Variants in F2RL3 observed in about 807,000 individuals in gnomAD.
F2RL3 encodes proteinase-activated receptor 4.
In F2RL3, 3 loss-of-function variants were observed where a neutral mutation model predicts 4.9. The observed-to-expected ratio is 0.61, with a 90% CI of 0.28 to 1.58. F2RL3 has a LOEUF of 1.58. Ranked by LOEUF, F2RL3 falls within the 40% of genes most tolerant of loss-of-function variation. The pLI, the probability that F2RL3 is intolerant of heterozygous loss-of-function variation, is 0.11. For missense variants in F2RL3, 564 were observed against 550.4 expected (o/e 1.02, Z -0.25); for synonymous variants, 284 against 278.4 (o/e 1.02, Z -0.20).
rs1169231713 is a variant in F2RL3 at position 16,890,417 on chromosome 19, C to T, written c.954C>T (p.Leu318=). The T allele has an allele frequency of 1.2e-6, 2 of 1,612,134 alleles. No homozygotes were observed. Among genetic ancestry groups the T allele is most frequent in the Non-Finnish European group, 1.7e-6 (2 of 1,179,730 alleles). The change falls in exon 2 of 2, where the codon CTC becomes CTT. Residue 318 remains leucine (L), a synonymous_variant. Transcript: ENST00000248076. ...SDPSPSAWGN[L]YGAYVPSLAL... ...CGAGCCCCAGCGCCTGGGGCAACCTCTATGGTGCCTACGTGCCCAGCCTGG... is the reference window on the plus strand; with the variant it reads ...CGAGCCCCAGCGCCTGGGGCAACCTTTATGGTGCCTACGTGCCCAGCCTGG...
In F2RL3 at chr19:16,890,211, C is replaced by A. The variant is rs771630275; in HGVS notation, c.748C>A (p.Leu250Met). 25 of 1,586,140 alleles carry A rather than the reference C, an allele frequency of 1.6e-5. No homozygotes were observed. The highest frequency in any genetic ancestry group is 2.0e-5 in the Non-Finnish European group (23 of 1,172,840). Residue 250 changes from leucine (L) to methionine (M), a missense_variant, in exon 2 of 2, where the codon CTG becomes ATG. Physicochemically the swap from Leu to Met is conservative, Grantham distance 15. Coordinates refer to ENST00000248076, the MANE Select transcript of F2RL3 (RefSeq NM_003950.4). Reference sequence around the variant, plus strand: ...GCAACCGGCCTTCACCTGCCTGGCGCTGTTGGGCTGTTTCCTGCCCCTGCT... The same window carrying A: ...GCAACCGGCCTTCACCTGCCTGGCGATGTTGGGCTGTTTCCTGCCCCTGCT... Reference protein sequence around the residue: ...HWQPAFTCLALLGCFLPLLAM... With the variant: ...HWQPAFTCLAMLGCFLPLLAM...
At position 16,890,325 on chromosome 19, in the gene F2RL3, G is replaced by T; in HGVS notation, c.862G>T (p.Val288Leu). 1.9e-6 allele frequency: 3 copies of T among 1,588,556 alleles called. No individual in the cohort carries two copies. Among genetic ancestry groups the T allele is most frequent in the Non-Finnish European group, 2.6e-6 (3 of 1,172,578 alleles). ...CCACGCGCTGAGGCTGACCGCAGTG[G>T]TGCTGGCCTCCGCCGTGGCCTTCTT... is the stretch of plus-strand genomic sequence containing the variant. Reference protein sequence around the residue: ...YGHALRLTAVVLASAVAFFVP... With the variant: ...YGHALRLTAVLLASAVAFFVP... Residue 288 changes from valine (V) to leucine (L), a missense_variant, in exon 2 of 2, where the codon GTG becomes TTG. Physicochemically the swap from Val to Leu is conservative, Grantham distance 32. Coordinates refer to ENST00000248076, the MANE Select transcript of F2RL3 (RefSeq NM_003950.4).
chr19:16,889,366 TG>T, intron 1 of F2RL3, 68 bp downstream of exon 1: 1 of 1,400,172 alleles, frequency 7.1e-7, no homozygotes, highest in Non-Finnish European at 9.8e-7. Flanking sequence ...GGCCCGGAGC[TG>T]GGGAGGGGGA....
Position 16,890,083 on chromosome 19 carries a change from T to A in F2RL3, c.620T>A (p.Leu207Gln). The A allele has an allele frequency of 6.3e-7, 1 of 1,597,110 alleles. No homozygotes were observed. ...CMAAWLMAAA[L>Q]ALPLTLQRQT... ...GCTGCTTGGCTCATGGCGGCCGCCC[T>A]GGCACTGCCCCTGACACTGCAGCGG... Residue 207 changes from leucine to glutamine, a missense_variant, in exon 2 of 2, where the codon CTG becomes CAG. Coordinates refer to ENST00000248076, the MANE Select transcript of F2RL3 (RefSeq NM_003950.4).
rs1423617732 is a variant in F2RL3 at position 16,890,547 on chromosome 19, G to T, written c.1084G>T (p.Asp362Tyr). 6.2e-7 allele frequency: 1 copy of T among 1,608,838 alleles called. No homozygotes were observed. Among genetic ancestry groups the T allele is most frequent in the East Asian group, 2.2e-5 (1 of 44,762 alleles). The part of the protein sequence containing the change: ...RAGLFQRSPG[D>Y]TVASKASAEG... ...AGGGCTCTTCCAACGGTCGCCGGGGGACACCGTGGCCTCCAAGGCCTCTGC... is the reference window on the plus strand; with the variant it reads ...AGGGCTCTTCCAACGGTCGCCGGGGTACACCGTGGCCTCCAAGGCCTCTGC... Residue 362 changes from aspartate to tyrosine, a missense_variant, in exon 2 of 2, where the codon GAC becomes TAC. Asp to Tyr is a radical substitution (Grantham distance 160, BLOSUM62 -3). Transcript: ENST00000248076.
Position 16,891,120 on chromosome 19 carries a change from AAAAGACG to A in F2RL3, c.*503_*509del. On this transcript the variant is annotated 3_prime_UTR_variant, in exon 2 of 2. Transcript: ENST00000248076. ...AATTAATTAATTTAATTCAATTTTA[AAAAGACG>A]AAAAGTGACGGCCAGGTGCAGTGGC... 1 of 154,240 alleles carries A rather than the reference AAAAGACG, an allele frequency of 6.5e-6. No homozygotes were observed. The allele number at this position is 154,240 out of a possible 1,614,324, so 9.6% of individuals were successfully genotyped here. A position where few individuals can be genotyped will look rare whatever the true frequency, so the allele number is the denominator to read the frequency against.
In F2RL3 at chr19:16,889,138, C is replaced by A; in HGVS notation, c.-52C>A. ...GGCTCCAGAAGCTGGGGCTCAGGGTCCGGCGAGGCAGGAAGCCTGAGGCCA... is the reference window on the plus strand; with the variant it reads ...GGCTCCAGAAGCTGGGGCTCAGGGTACGGCGAGGCAGGAAGCCTGAGGCCA... On this transcript the variant is annotated 5_prime_UTR_variant, in exon 1 of 2. Coordinates refer to ENST00000248076, the MANE Select transcript of F2RL3 (RefSeq NM_003950.4). 1 of 1,312,284 alleles carries A rather than the reference C, an allele frequency of 7.6e-7. No individual in the cohort carries two copies. The highest frequency in any genetic ancestry group is 1.0e-6 in the Non-Finnish European group (1 of 987,784). The allele number at this position is 1,312,284 out of a possible 1,614,324, so 81.3% of individuals were successfully genotyped here.
At position 16,889,882 on chromosome 19, in the gene F2RL3, A is replaced by G; in HGVS notation, c.419A>G (p.Gln140Arg). 1 of 1,587,500 alleles carries G rather than the reference A, an allele frequency of 6.3e-7. No individual in the cohort carries two copies. The highest frequency in any genetic ancestry group is 1.1e-5 in the South Asian group (1 of 89,466). ...CGGATCGCCTACCACCTGCGTGGCCAGCGCTGGCCCTTCGGGGAGGCCGCC... is the reference window on the plus strand; with the variant it reads ...CGGATCGCCTACCACCTGCGTGGCCGGCGCTGGCCCTTCGGGGAGGCCGCC... ...PPRIAYHLRG[Q>R]RWPFGEAACR... Residue 140 changes from glutamine to arginine, a missense_variant, in exon 2 of 2, where the codon CAG (glutamine) becomes CGG (arginine). Gln to Arg is a conservative substitution (Grantham distance 43). Coordinates refer to ENST00000248076, the MANE Select transcript of F2RL3 (RefSeq NM_003950.4).
chr19:16,890,208 G>A lies in F2RL3; in HGVS notation c.745G>A (p.Ala249Thr), dbSNP rs1289877592. The A allele has an allele frequency of 6.3e-7, 1 of 1,587,332 alleles. No individual in the cohort carries two copies. The highest frequency in any genetic ancestry group is 1.1e-5 in the South Asian group (1 of 89,352). Residue 249 changes from alanine (A) to threonine (T), a missense_variant, in exon 2 of 2, where the codon GCG (alanine) becomes ACG (threonine). By Grantham distance (58) the Ala-to-Thr change is moderately conservative. Transcript: ENST00000248076. Reference sequence around the variant, plus strand: ...CTGGCAACCGGCCTTCACCTGCCTGGCGCTGTTGGGCTGTTTCCTGCCCCT... The same window carrying A: ...CTGGCAACCGGCCTTCACCTGCCTGACGCTGTTGGGCTGTTTCCTGCCCCT... ...SHWQPAFTCL[A>T]LLGCFLPLLA...
chr19:16,890,075 G>A lies in F2RL3; in HGVS notation c.612G>A (p.Ala204=), dbSNP rs766080626. 1.7e-5 allele frequency: 27 copies of A among 1,597,182 alleles called. No individual in the cohort carries two copies. Among genetic ancestry groups the A allele is most frequent in the South Asian group, 8.8e-5 (8 of 90,924 alleles). The part of the protein sequence containing the change: ...LGLCMAAWLM[A]AALALPLTLQ... ...TCTGCATGGCTGCTTGGCTCATGGC[G>A]GCCGCCCTGGCACTGCCCCTGACAC... Residue 204 remains alanine (A), a synonymous_variant, in exon 2 of 2, where the codon GCG becomes GCA. Coordinates refer to ENST00000248076, the MANE Select transcript of F2RL3 (RefSeq NM_003950.4).
Position 16,889,708 on chromosome 19 carries a change from C to A in F2RL3, c.245C>A (p.Ala82Asp), listed in dbSNP as rs1006799577. The A allele has an allele frequency of 8.7e-6, 14 of 1,607,152 alleles. No individual in the cohort carries two copies. The African/African-American group carries it at 1.6e-4, about 18-fold the overall frequency. The change falls in exon 2 of 2, where the codon GCC becomes GAC. Residue 82 changes from alanine to aspartate, a missense_variant. By Grantham distance (126) the Ala-to-Asp change is moderately radical (BLOSUM62 -2). Transcript: ENST00000248076. ...TGGGTGCCCACCAGGCTGGTGCCCGCCCTCTATGGGCTGGTCCTGGTGGTG... is the reference window on the plus strand; with the variant it reads ...TGGGTGCCCACCAGGCTGGTGCCCGACCTCTATGGGCTGGTCCTGGTGGTG... ...LGWVPTRLVP[A>D]LYGLVLVVGL... is the part of the protein sequence containing the mutation.
rs781055286 is a variant in F2RL3, at chr19:16,890,393, G to A, written c.930G>A (p.Pro310=). 6 of 1,610,188 alleles carry A rather than the reference G, an allele frequency of 3.7e-6. No individual in the cohort carries two copies. The highest frequency in any genetic ancestry group is 1.1e-5 in the South Asian group (1 of 90,716). The change falls in exon 2 of 2, where the codon CCG becomes CCA. Residue 310 remains proline, a synonymous_variant. Transcript: ENST00000248076. ...TGCTGCTGCTGCATTACTCGGACCC[G>A]AGCCCCAGCGCCTGGGGCAACCTCT... is the stretch of plus-strand genomic sequence containing the variant. ...NLLLLLHYSD[P]SPSAWGNLYG...
chr19:16,890,657 G>T lies in F2RL3; in HGVS notation c.*36G>T. 6.9e-7 allele frequency: 1 copy of T among 1,441,322 alleles called. No homozygotes were observed. The highest frequency in any genetic ancestry group is 9.3e-7 in the Non-Finnish European group (1 of 1,070,298). 89.3% of individuals were successfully genotyped at this position (1,441,322 alleles called of 1,614,324 possible). ...GGAAGGCTGTACTGGGTCGAACAGG[G>T]TCCCTTCCCCCACTTCACGTCCTTC... is the stretch of plus-strand genomic sequence containing the variant. On this transcript the variant is annotated 3_prime_UTR_variant, in exon 2 of 2. Transcript: ENST00000248076.
chr19:16,889,637 T>C lies in F2RL3; in HGVS notation c.174T>C (p.Ser58=). ...GYPGQVCAND[S]DTLELPDSSR... is the part of the protein sequence containing the mutation. ...CAGGCCAAGTCTGTGCCAATGACAGTGACACCCTGGAGCTCCCGGACAGCT... is the reference window on the plus strand; with the variant it reads ...CAGGCCAAGTCTGTGCCAATGACAGCGACACCCTGGAGCTCCCGGACAGCT... The change falls in exon 2 of 2, where the codon AGT becomes AGC. Residue 58 remains serine (S), a synonymous_variant. Coordinates refer to ENST00000248076, the MANE Select transcript of F2RL3 (RefSeq NM_003950.4). 1 of 1,609,028 alleles carries C rather than the reference T, an allele frequency of 6.2e-7. No individual in the cohort carries two copies. Among genetic ancestry groups the C allele is most frequent in the East Asian group, 2.2e-5 (1 of 44,790 alleles).
rs1473018801 is a variant in F2RL3 at position 16,890,108 on chromosome 19, G to T, written c.645G>T (p.Arg215=). Residue 215 remains arginine, a synonymous_variant, in exon 2 of 2, where the codon CGG becomes CGT. Transcript: ENST00000248076. ...AALALPLTLQ[R]QTFRLARSDR... ...TGGCACTGCCCCTGACACTGCAGCG[G>T]CAGACCTTCCGGCTGGCGCGCTCCG... 1.9e-6 allele frequency: 3 copies of T among 1,597,530 alleles called. No homozygotes were observed. The highest frequency in any genetic ancestry group is 1.7e-4 in the Middle Eastern group (1 of 5,998).
rs542293542 is a variant in F2RL3 at position 16,890,016 on chromosome 19, C to T, written c.553C>T (p.Arg185Cys). 15 of 1,597,526 alleles carry T rather than the reference C, an allele frequency of 9.4e-6. No individual in the cohort carries two copies. Among genetic ancestry groups the T allele is most frequent in the South Asian group, 3.3e-5 (3 of 90,412 alleles). ...GGCCCTGGTGCACCCGCTGCGGGCCCGCGCCCTGCGTGGCCGGCGCCTGGC... is the reference window on the plus strand; with the variant it reads ...GGCCCTGGTGCACCCGCTGCGGGCCTGCGCCCTGCGTGGCCGGCGCCTGGC... Reference protein sequence around the residue: ...YLALVHPLRARALRGRRLALG... With the variant: ...YLALVHPLRACALRGRRLALG... Residue 185 changes from arginine to cysteine, a missense_variant, in exon 2 of 2, where the codon CGC becomes TGC. Physicochemically the swap from Arg to Cys is radical, Grantham distance 180. Coordinates refer to ENST00000248076, the MANE Select transcript of F2RL3 (RefSeq NM_003950.4).
chr19:16,889,934 T>C lies in F2RL3; in HGVS notation c.471T>C (p.Tyr157=), dbSNP rs750054844. 1 of 1,589,070 alleles carries C rather than the reference T, an allele frequency of 6.3e-7. No homozygotes were observed. Among genetic ancestry groups the C allele is most frequent in the Admixed American group, 1.7e-5 (1 of 57,456 alleles). The change falls in exon 2 of 2, where the codon TAT becomes TAC. Residue 157 remains tyrosine, a synonymous_variant. Transcript: ENST00000248076. ...GCCGCCTGGCCACGGCCGCACTCTA[T>C]GGTCACATGTATGGCTCAGTGCTGC... ...AACRLATAAL[Y]GHMYGSVLLL...
At position 16,890,653 on chromosome 19, in the gene F2RL3, C is replaced by T. The variant is rs760300624; in HGVS notation, c.*32C>T. On this transcript the variant is annotated 3_prime_UTR_variant, in exon 2 of 2. Transcript: ENST00000248076. ...GTGGGGAAGGCTGTACTGGGTCGAA[C>T]AGGGTCCCTTCCCCCACTTCACGTC... 2.1e-6 allele frequency: 3 copies of T among 1,459,452 alleles called. No homozygotes were observed. Among genetic ancestry groups the T allele is most frequent in the African/African-American group, 1.4e-5 (1 of 71,748 alleles). 90.4% of individuals were successfully genotyped at this position (1,459,452 alleles called of 1,614,324 possible). A position where few individuals can be genotyped will look rare whatever the true frequency, so the allele number is the denominator to read the frequency against.
Position 16,890,517 on chromosome 19 carries a change from C to G in F2RL3, c.1054C>G (p.Arg352Gly). ...YVSAEFRDKVRAGLFQRSPGD... is the reference protein window; with the variant it reads ...YVSAEFRDKVGAGLFQRSPGD... The stretch of plus-strand genomic sequence containing the variant: ...GTCGGCCGAGTTCAGGGACAAGGTG[C>G]GGGCAGGGCTCTTCCAACGGTCGCC... The change falls in exon 2 of 2, where the codon CGG becomes GGG. Residue 352 changes from arginine (R) to glycine (G), a missense_variant. Transcript: ENST00000248076. The G allele has an allele frequency of 6.2e-7, 1 of 1,612,368 alleles. No homozygotes were observed.
Sources: allele counts gnomAD v4.1 joint callset, GRCh38; gene constraint gnomAD v4.1.1; transcripts MANE v1.5; gene names NCBI Gene and HGNC (gene_info 2026-07-23, HGNC 2026-07-21).